MFSD12: variants seen among roughly 807,000 people sequenced by gnomAD.
The protein encoded by MFSD12 is major facilitator superfamily domain-containing protein 12.
MFSD12 carries 67 observed loss-of-function variants against 51.2 expected under a neutral mutation model. The ratio of observed to expected loss-of-function variants is 1.31; its 90% CI spans 1.08 to 1.60. The LOEUF is 1.60. MFSD12 is among the 40% of genes most tolerant of loss of function. MFSD12 has a pLI of 0.00. For synonymous variants in MFSD12, 441 were observed against 316.7 expected (o/e 1.39, Z -4.17); for missense variants, 921 against 673.0 (o/e 1.37, Z -4.08).
chr19:3,543,072 G>C, downstream of MFSD12: 1 of 1,588,542 alleles, frequency 6.3e-7, no homozygotes, highest in Non-Finnish European at 8.5e-7. Context: ...ACCCACTCTG[G>C]GGTGAGGGGT....
downstream of MFSD12, chr19:3,543,490 C>CT: frequency 6.6e-7 from 1 of 1,519,396 alleles, no homozygotes; most frequent in Non-Finnish European, 8.8e-7. Context: ...GCCCCCCCCC[C>CT]CGCCCTGGGC....
chr19:3,557,534 T>G lies in MFSD12; in HGVS notation c.-131A>C. On this transcript the variant is annotated 5_prime_UTR_variant, in exon 1 of 10. Transcript: ENST00000355415. ...CCGGGCACCCCGCGTCCCGCTCTCTTACGGCCGCGCCCTCACCCACGTCCG... is the reference window on the plus strand; with the variant it reads ...CCGGGCACCCCGCGTCCCGCTCTCTGACGGCCGCGCCCTCACCCACGTCCG... The G allele has an allele frequency of 2.2e-6, 1 of 457,812 alleles. No homozygotes were observed. The highest frequency in any genetic ancestry group is 3.1e-6 in the Non-Finnish European group (1 of 322,098). The allele number at this position is 457,812 out of a possible 1,614,324, so 28.4% of individuals were successfully genotyped here.
intron 1 of MFSD12, among the ~76,000 whole-genome samples, chr19:3,553,728 CAAAAAAAAAAAAA>C (rs35093968): frequency 3.3e-5 from 2 of 61,332 alleles, no homozygotes; most frequent in African/African-American, 7.5e-5. Context: ...CTCCATCTCT[CAAAAAAAAAAAAA>C]AAAAAAAAAA....
downstream of MFSD12, chr19:3,539,556 C>A (rs1006193891): frequency 2.2e-6 from 1 of 445,534 alleles, no homozygotes; most frequent in Admixed American, 3.5e-5. Flanking sequence ...GAAATCCAGG[C>A]CTGTGCGGGG....
In MFSD12 at chr19:3,547,530, C is replaced by A; in HGVS notation, c.855G>T (p.Met285Ile). Residue 285 changes from methionine to isoleucine, a missense_variant, in exon 5 of 10, where the codon ATG (methionine) becomes ATT (isoleucine). Coordinates refer to ENST00000355415, the MANE Select transcript of MFSD12 (RefSeq NM_174983.5). ...ACAGGTTCACGATGAGCCTGGTGGTCATGTACAGTATGCCCACCTGTGGGC... is the reference window on the plus strand; with the variant it reads ...ACAGGTTCACGATGAGCCTGGTGGTAATGTACAGTATGCCCACCTGTGGGC... ...PAFYQVGILY[M>I]TTRLIVNLSQ... The A allele has an allele frequency of 1.9e-6, 3 of 1,611,722 alleles. No individual in the cohort carries two copies. In the South Asian group the frequency reaches 3.3e-5, roughly 18 times the overall value.
At chr19:3,550,434 C>T (rs2145207104) in intron 2 of MFSD12, among the ~76,000 whole-genome samples, 1 of 152,008 alleles carries the variant, frequency 6.6e-6, no homozygotes, top group South Asian at 2.1e-4. Context: ...CTCTGTCGCC[C>T]AGGCTGGAGT....
At position 3,546,491 on chromosome 19, in the gene MFSD12, G is replaced by T. The variant is rs149119961; in HGVS notation, c.1024-66C>A. The T allele has an allele frequency of 5.8e-4, 882 of 1,512,690 alleles. 2 individuals carry two copies. The East Asian group carries it at 0.013, about 23-fold the overall frequency. The allele number at this position is 1,512,690 out of a possible 1,614,324, so 93.7% of individuals were successfully genotyped here. On this transcript the variant is annotated intron_variant, in intron 6 of 9. Transcript: ENST00000355415. ...GCCCCCAAGCCTGGCGCTTCAATCC[G>T]CCACCCCTACCCCCAACCCCAGCAA...
downstream of MFSD12, chr19:3,543,598 C>G (rs146191704): frequency 7.1e-6 from 11 of 1,544,388 alleles, no homozygotes; most frequent in East Asian, 2.4e-5. Context: ...ATGACCCCAT[C>G]GTCCCTGCCC....
downstream of MFSD12, among the ~76,000 whole-genome samples, chr19:3,540,396 T>C (rs1044389625): frequency 6.6e-6 from 1 of 151,846 alleles, no homozygotes; most frequent in East Asian, 2.0e-4. Context: ...TAGCTGGGAT[T>C]ACAGGCATGC....
At chr19:3,555,868 G>T (rs1440335810) in intron 1 of MFSD12, among the ~76,000 whole-genome samples, 1 of 152,248 alleles carries the variant, frequency 6.6e-6, no homozygotes, top group Non-Finnish European at 1.5e-5. Context: ...CAGGGAAGGA[G>T]GCCGGCTAAT....
Position 3,547,358 on chromosome 19 carries a change from T to A in MFSD12, c.937A>T (p.Ile313Phe). The change falls in exon 6 of 10, where the codon ATC becomes TTC. Residue 313 changes from isoleucine (I) to phenylalanine (F), a missense_variant. By Grantham distance (21) the Ile-to-Phe change is conservative. Coordinates refer to ENST00000355415, the MANE Select transcript of MFSD12 (RefSeq NM_174983.5). Reference protein sequence around the residue: ...TYSLHLPKKFIATIPLVMYLS... With the variant: ...TYSLHLPKKFFATIPLVMYLS... ...TACATCACCAGGGGAATGGTCGCGATGAACTTCTGCGGAGGCAGAGCCAGG... is the reference window on the plus strand; with the variant it reads ...TACATCACCAGGGGAATGGTCGCGAAGAACTTCTGCGGAGGCAGAGCCAGG... The A allele has an allele frequency of 6.2e-7, 1 of 1,613,262 alleles. No homozygotes were observed.
Position 3,547,552 on chromosome 19 carries a change from G to A in MFSD12, c.838-5C>T. 6.2e-7 allele frequency: 1 copy of A among 1,606,552 alleles called. No individual in the cohort carries two copies. Among genetic ancestry groups the A allele is most frequent in the Non-Finnish European group, 8.5e-7 (1 of 1,176,766 alleles). On this transcript the variant is annotated splice_polypyrimidine_tract_variant and splice_region_variant and intron_variant, in intron 4 of 9. Coordinates refer to ENST00000355415, the MANE Select transcript of MFSD12 (RefSeq NM_174983.5). ...GGTCATGTACAGTATGCCCACCTGTGGGCAGACCGACAGAGGGACTGGCAG... is the reference window on the plus strand; with the variant it reads ...GGTCATGTACAGTATGCCCACCTGTAGGCAGACCGACAGAGGGACTGGCAG...
downstream of MFSD12, chr19:3,543,640 C>A (rs759790757): frequency 6.5e-7 from 1 of 1,543,778 alleles, no homozygotes; most frequent in East Asian, 2.4e-5. Flanking sequence ...GGTGGGGGAG[C>A]GCGCTGTGGA....
At position 3,544,605 on chromosome 19, in the gene MFSD12, T is replaced by C. The variant is rs1205190580; in HGVS notation, c.*105A>G. The C allele has an allele frequency of 8.7e-6, 13 of 1,486,898 alleles. No individual in the cohort carries two copies. Among genetic ancestry groups the C allele is most frequent in the African/African-American group, 5.6e-5 (4 of 71,242 alleles). The allele number at this position is 1,486,898 out of a possible 1,614,324, so 92.1% of individuals were successfully genotyped here. A position where few individuals can be genotyped will look rare whatever the true frequency, so the allele number is the denominator to read the frequency against. ...GCTGGGTGAGGATGGAGGGTGGGGG[T>C]CCAGAGAAGAGTGAGGGGCAGTGGG... On this transcript the variant is annotated 3_prime_UTR_variant, in exon 10 of 10. Transcript: ENST00000355415.
Position 3,546,394 on chromosome 19 carries a change from A to G in MFSD12, c.1055T>C (p.Leu352Pro). Residue 352 changes from leucine (L) to proline (P), a missense_variant, in exon 7 of 10, where the codon CTG becomes CCG. Physicochemically the swap from Leu to Pro is moderately conservative, Grantham distance 98. Coordinates refer to ENST00000355415, the MANE Select transcript of MFSD12 (RefSeq NM_174983.5). ...MTYFSGLLVILAFAAWVALAE... is the reference protein window; with the variant it reads ...MTYFSGLLVIPAFAAWVALAE... ...CAGCGCCACCCAGGCGGCAAAGGCC[A>G]GGATCACCAGGAGGCCTGAGAAGTA... The G allele has an allele frequency of 6.2e-7, 1 of 1,607,954 alleles. No homozygotes were observed. Among genetic ancestry groups the G allele is most frequent in the Non-Finnish European group, 8.5e-7 (1 of 1,177,868 alleles).
chr19:3,544,032 CCACT>C (rs1568251339), downstream of MFSD12: 6 of 1,516,788 alleles, frequency 4.0e-6, no homozygotes, highest in South Asian at 1.3e-5. Context: ...CAGGATGCAC[CCACT>C]GTCTCTGCAC....
chr19:3,539,426 AGTGG>A, downstream of MFSD12: 1 of 590,512 alleles, frequency 1.7e-6, no homozygotes, highest in Non-Finnish European at 3.1e-6. Context: ...CCCTCCGGCC[AGTGG>A]CCGCTCACTG....
intron 8 of MFSD12, among the ~76,000 whole-genome samples, chr19:3,545,530 C>T (rs928105949): frequency 6.6e-6 from 1 of 152,254 alleles, no homozygotes; most frequent in African/African-American, 2.4e-5. Flanking sequence ...TGACATCCTG[C>T]AGGTGTCAGG....
At position 3,557,326 on chromosome 19, in the gene MFSD12, G is replaced by A; in HGVS notation, c.78C>T (p.Ala26=). The change falls in exon 1 of 10, where the codon GCC becomes GCT. Residue 26 remains alanine (A), a synonymous_variant. Coordinates refer to ENST00000355415, the MANE Select transcript of MFSD12 (RefSeq NM_174983.5). ...PLSLVARLSY[A]VGHFLNDLCA... ...ACAGGTCGTTGAGGAAGTGGCCCAC[G>A]GCGTAGCTCAGCCGCGCCACCAGGG... is the stretch of plus-strand genomic sequence containing the variant. The A allele has an allele frequency of 6.4e-7, 1 of 1,570,238 alleles. No individual in the cohort carries two copies. Among genetic ancestry groups the A allele is most frequent in the Non-Finnish European group, 8.6e-7 (1 of 1,160,930 alleles).
Sources: allele counts gnomAD v4.1 joint callset (sites outside exome capture counted in the v4.1 genomes callset), GRCh38; gene constraint gnomAD v4.1.1; transcripts MANE v1.5; gene names NCBI Gene and HGNC (gene_info 2026-07-23, HGNC 2026-07-21).